ANKS1B: variants seen among roughly 807,000 people sequenced by gnomAD.
The protein encoded by ANKS1B is ankyrin repeat and sterile alpha motif domain-containing protein 1B.
In ANKS1B, 36 loss-of-function variants were observed where a neutral mutation model predicts 148.3. The observed-to-expected ratio is 0.24, with a 90% CI of 0.19 to 0.32. The LOEUF (loss-of-function observed/expected upper bound fraction) is 0.32. Among genes scored for constraint, ANKS1B ranks in the 10% least tolerant of loss-of-function variants. The pLI is 1.00. For synonymous variants in ANKS1B, 542 were observed against 560.8 expected, an observed-to-expected ratio of 0.97 and a Z score of 0.47; for missense variants, 1,157 against 1,542.6, an observed-to-expected ratio of 0.75 and a Z score of 4.19.
Position 98,748,419 on chromosome 12 carries a change from C to T in ANKS1B, c.3748-2570G>A, listed in dbSNP as rs574095984. ...GGGCCGGGCTGTCCGCTCTCAGGAACGGCCCTCAGGTGGATCTACACCATG... is the reference window on the plus strand; with the variant it reads ...GGGCCGGGCTGTCCGCTCTCAGGAATGGCCCTCAGGTGGATCTACACCATG... On this transcript the variant is annotated intron_variant, in intron 26 of 26. Coordinates refer to ENST00000683438, the MANE Select transcript of ANKS1B (RefSeq NM_001352186.2). Among the ~76,000 whole-genome samples the T allele has an allele frequency of 4.0e-3, 616 of 152,238 alleles. 2 individuals carry two copies. The highest frequency in any genetic ancestry group is 5.1e-3 in the Non-Finnish European group (346 of 68,018).
At chr12:99,648,614 C>G in intron 9 of ANKS1B, 3 of 1,614,210 alleles carry the variant, frequency 1.9e-6, no homozygotes, top group Non-Finnish European at 2.5e-6. Flanking sequence ...ACGGGCCGCT[C>G]TTTTTATCTT....
chr12:99,984,632 T>A lies in ANKS1B; in HGVS notation c.-395A>T, dbSNP rs1249830008. 4 of 159,620 alleles carry A rather than the reference T, an allele frequency of 2.5e-5. No homozygotes were observed. The highest frequency in any genetic ancestry group is 9.6e-5 in the African/African-American group (4 of 41,564). 9.9% of individuals were successfully genotyped at this position (159,620 alleles called of 1,614,324 possible). ...GAGGAGGAGGAGGCGGCAGAGAGAG[T>A]CCTAGCTGGAGCGGGAGCGCAGGGA... On this transcript the variant is annotated 5_prime_UTR_variant, in exon 1 of 27. Transcript: ENST00000683438.
At chr12:99,747,638 C>T (rs2060717447) in intron 8 of ANKS1B, among the ~76,000 whole-genome samples, 1 of 152,220 alleles carries the variant, frequency 6.6e-6, no homozygotes, top group East Asian at 1.9e-4. Context: ...TCTTCTCTCT[C>T]TTCTCCTATA....
At chr12:99,518,321 G>A (rs947447129) in intron 9 of ANKS1B, among the ~76,000 whole-genome samples, 1 of 152,068 alleles carries the variant, frequency 6.6e-6, no homozygotes, top group Non-Finnish European at 1.5e-5. Flanking sequence ...GTAGAATTCA[G>A]CAGTGAAGCC....
chr12:99,452,289 T>G (rs2095756095), intron 10 of ANKS1B, among the ~76,000 whole-genome samples: 1 of 152,202 alleles, frequency 6.6e-6, no homozygotes, highest in Admixed American at 6.5e-5. Context: ...TCTTAAGTAC[T>G]TCCTATGGAA....
chr12:98,928,671 T>C (rs2099811000), intron 17 of ANKS1B, among the ~76,000 whole-genome samples: 1 of 151,872 alleles, frequency 6.6e-6, no homozygotes, highest in Non-Finnish European at 1.5e-5. Flanking sequence ...TAAATTAATA[T>C]ATAAAATGAC....
At chr12:99,369,116 T>C (rs2092944067) in intron 12 of ANKS1B, among the ~76,000 whole-genome samples, 1 of 152,272 alleles carries the variant, frequency 6.6e-6, no homozygotes, top group South Asian at 2.1e-4. Flanking sequence ...AGTGATCTAG[T>C]AGTAACCACC....
At chr12:99,892,885 G>A (rs993282142) in intron 1 of ANKS1B, among the ~76,000 whole-genome samples, 1 of 152,172 alleles carries the variant, frequency 6.6e-6, no homozygotes, top group Non-Finnish European at 1.5e-5. Context: ...CCTCAGTTCA[G>A]CTCCCAGAAT....
chr12:99,425,502 A>T (rs976522119), intron 11 of ANKS1B, among the ~76,000 whole-genome samples: 1 of 152,008 alleles, frequency 6.6e-6, no homozygotes. Flanking sequence ...CACATTACCA[A>T]GAAAATGTAT....
intron 17 of ANKS1B, among the ~76,000 whole-genome samples, chr12:98,872,594 T>A (rs1276877708): frequency 6.6e-6 from 1 of 152,150 alleles, no homozygotes; most frequent in Non-Finnish European, 1.5e-5. Flanking sequence ...GGGTAAGCCC[T>A]AATCCCATAA....
intron 12 of ANKS1B, among the ~76,000 whole-genome samples, chr12:99,346,381 G>GCA (rs1555396083): frequency 0.033 from 4,937 of 147,836 alleles, 82 homozygotes; most frequent in African/African-American, 0.05. Context: ...TCTCACACAC[G>GCA]CACACACACA....
At chr12:99,171,771 T>C (rs889617805) in intron 14 of ANKS1B, among the ~76,000 whole-genome samples, 13 of 152,184 alleles carry the variant, frequency 8.5e-5, no homozygotes, top group Non-Finnish European at 1.2e-4. Context: ...GTTCTTGTTT[T>C]CCCTTCTTTT....
At chr12:99,078,557 G>C (rs1410705400) in intron 16 of ANKS1B, among the ~76,000 whole-genome samples, 1 of 152,122 alleles carries the variant, frequency 6.6e-6, no homozygotes, top group African/African-American at 2.4e-5. Flanking sequence ...CAGTAGCAAA[G>C]GTGGCTCTTA....
chr12:99,252,167 G>A (rs1422699028), intron 12 of ANKS1B, among the ~76,000 whole-genome samples: 1 of 152,172 alleles, frequency 6.6e-6, no homozygotes, highest in Admixed American at 6.5e-5. Flanking sequence ...AATGTTTTGG[G>A]GGAGGATTAT....
chr12:99,359,477 AT>A (rs2092312995), intron 12 of ANKS1B, among the ~76,000 whole-genome samples: 1 of 152,140 alleles, frequency 6.6e-6, no homozygotes, highest in Non-Finnish European at 1.5e-5. Flanking sequence ...TGCCAAGAGC[AT>A]AAAAAATACA....
intron 12 of ANKS1B, among the ~76,000 whole-genome samples, chr12:99,369,849 C>CAGATAGATAGATAGAT (rs35658536): frequency 1.4e-5 from 2 of 145,630 alleles, no homozygotes; most frequent in South Asian, 2.2e-4. Context: ...CAGACAGAGA[C>CAGATAGATAGATAGAT]AGATAGATAG....
chr12:98,820,263 T>G (rs2099173740), intron 19 of ANKS1B, among the ~76,000 whole-genome samples: 1 of 152,366 alleles, frequency 6.6e-6, no homozygotes, highest in African/African-American at 2.4e-5. Flanking sequence ...TTCTGTACCT[T>G]TTAATTTTTG....
Position 99,615,142 on chromosome 12 carries a change from TTAGGTAGG to T in ANKS1B, c.1272+39917_1272+39924del, listed in dbSNP as rs547498827. Among the ~76,000 whole-genome samples the T allele has an allele frequency of 3.9e-5, 6 of 151,964 alleles. No individual in the cohort carries two copies. The South Asian group carries it at 8.3e-4, about 21-fold the overall frequency. ...TTCCAAAGTGTTTACACAGATGACA[TTAGGTAGG>T]TAGGTAGGTAGGCAGATAGATTACA... On this transcript the variant is annotated intron_variant, in intron 9 of 26. Coordinates refer to ENST00000683438, the MANE Select transcript of ANKS1B (RefSeq NM_001352186.2).
chr12:99,142,080 G>A (rs543695889), intron 15 of ANKS1B, among the ~76,000 whole-genome samples: 5 of 152,208 alleles, frequency 3.3e-5, no homozygotes, highest in African/African-American at 9.6e-5. Flanking sequence ...TAAGGTGAAA[G>A]TGCAGAGTGA....
Sources: allele counts gnomAD v4.1 joint callset (sites outside exome capture counted in the v4.1 genomes callset), GRCh38; gene constraint gnomAD v4.1.1; transcripts MANE v1.5; gene names NCBI Gene and HGNC (gene_info 2026-07-23, HGNC 2026-07-21).